Variants in ADARB2 observed in about 807,000 individuals in gnomAD.
ADARB2 encodes adenosine deaminase RNA specific B2 (inactive).
In ADARB2, 25 loss-of-function variants were observed where a neutral mutation model predicts 62.2. The observed-to-expected ratio is 0.40, with a 90% CI of 0.29 to 0.56. The LOEUF is 0.56. Among genes scored for constraint, ADARB2 ranks in the 20% least tolerant of loss-of-function variants. ADARB2 has a pLI of 0.43. For missense variants in ADARB2, 1,071 were observed against 1,077.4 expected, an observed-to-expected ratio of 0.99 and a Z score of 0.08; for synonymous variants, 572 against 500.8, an observed-to-expected ratio of 1.14 and a Z score of -1.90.
At position 1,555,126 on chromosome 10, in the gene ADARB2, G is replaced by A. The variant is rs377464544; in HGVS notation, c.101-175966C>T. Reference sequence around the variant, plus strand: ...CCACATTTTCTTTATCCAGTTCACCGCTCATGGACACCTAGGCTGATTCCA... The same window carrying A: ...CCACATTTTCTTTATCCAGTTCACCACTCATGGACACCTAGGCTGATTCCA... On this transcript the variant is annotated intron_variant, in intron 1 of 9. Coordinates refer to ENST00000381312, the MANE Select transcript of ADARB2 (RefSeq NM_018702.4). Among the ~76,000 whole-genome samples, 148 of 152,226 alleles carry A rather than the reference G, an allele frequency of 9.7e-4. 3 individuals carry two copies. In the South Asian group the frequency reaches 0.029, roughly 30 times the overall value.
intron 1 of ADARB2, among the ~76,000 whole-genome samples, chr10:1,513,128 G>A (rs894306079): frequency 2.6e-5 from 4 of 152,196 alleles, no homozygotes; most frequent in African/African-American, 9.7e-5. Flanking sequence ...TGATTTGTTT[G>A]ACTGTAGTGT....
chr10:1,457,361 C>A (rs1188228656), intron 1 of ADARB2, among the ~76,000 whole-genome samples: 1 of 152,130 alleles, frequency 6.6e-6, no homozygotes, highest in Non-Finnish European at 1.5e-5. Context: ...TGGGACAAGC[C>A]ATCCTCACTT....
intron 1 of ADARB2, among the ~76,000 whole-genome samples, chr10:1,617,795 A>T (rs1055229848): frequency 1.3e-5 from 2 of 152,102 alleles, no homozygotes; most frequent in Non-Finnish European, 2.9e-5. Context: ...TGAGCTCTGC[A>T]TCCTGGGAAC....
chr10:1,193,019 T>C (rs983553001), intron 8 of ADARB2, among the ~76,000 whole-genome samples: 5 of 152,246 alleles, frequency 3.3e-5, no homozygotes, highest in Non-Finnish European at 2.9e-5. Context: ...CCATGGTGGC[T>C]TTTCCTCGCC....
intron 1 of ADARB2, among the ~76,000 whole-genome samples, chr10:1,464,115 C>CTGGAGAAGA (rs1831213272): frequency 6.7e-6 from 1 of 150,050 alleles, no homozygotes; most frequent in African/African-American, 2.5e-5. Context: ...GGGCAGTGTG[C>CTGGAGAAGA]CGGAGAAGAG....
chr10:1,708,123 C>T (rs962829994), intron 1 of ADARB2, among the ~76,000 whole-genome samples: 16 of 152,282 alleles, frequency 1.1e-4, no homozygotes, highest in African/African-American at 2.6e-4. Flanking sequence ...GGCTCTGCTC[C>T]GTGCGGGCTG....
intron 4 of ADARB2, among the ~76,000 whole-genome samples, chr10:1,258,233 G>A (rs1052532476): frequency 1.2e-4 from 18 of 152,058 alleles, no homozygotes; most frequent in African/African-American, 4.4e-4. Context: ...TAGCTTGTTA[G>A]GAAGAAACTG....
intron 1 of ADARB2, among the ~76,000 whole-genome samples, chr10:1,567,905 G>A (rs144849947): frequency 4.5e-4 from 69 of 152,278 alleles, no homozygotes; most frequent in African/African-American, 8.9e-4. Context: ...CTGACTCCTC[G>A]GAGTGCCCTT....
rs2131731435 is a variant in ADARB2, at chr10:1,181,067, G to C, written c.*2126C>G. The stretch of plus-strand genomic sequence containing the variant: ...GACAGTGAAATCTGCTTACAACACA[G>C]GCCCCCTCGCTGCAGAAACAGCGTG... On this transcript the variant is annotated 3_prime_UTR_variant, in exon 10 of 10. Coordinates refer to ENST00000381312, the MANE Select transcript of ADARB2 (RefSeq NM_018702.4). 1 of 152,358 alleles carries C rather than the reference G, an allele frequency of 6.6e-6. No individual in the cohort carries two copies. The highest frequency in any genetic ancestry group is 1.5e-5 in the Non-Finnish European group (1 of 68,046). The allele number at this position is 152,358 out of a possible 1,614,324, so 9.4% of individuals were successfully genotyped here. A position where few individuals can be genotyped will look rare whatever the true frequency, so the allele number is the denominator to read the frequency against.
At chr10:1,513,027 C>T (rs143011784) in intron 1 of ADARB2, among the ~76,000 whole-genome samples, 33 of 152,314 alleles carry the variant, frequency 2.2e-4, no homozygotes, top group African/African-American at 7.5e-4. Flanking sequence ...CAGCTGATGA[C>T]ATTGCATACT....
At chr10:1,573,887 C>G (rs567782949) in intron 1 of ADARB2, among the ~76,000 whole-genome samples, 1 of 152,324 alleles carries the variant, frequency 6.6e-6, no homozygotes, top group South Asian at 2.1e-4. Context: ...CAGTGACACC[C>G]AGTAAGATGG....
At chr10:1,724,247 A>T (rs953289035) in intron 1 of ADARB2, among the ~76,000 whole-genome samples, 1 of 152,176 alleles carries the variant, frequency 6.6e-6, no homozygotes, top group Non-Finnish European at 1.5e-5. Context: ...CTGGCTTTTC[A>T]GCTGCACCCA....
chr10:1,737,280 G>A lies in ADARB2; in HGVS notation c.-130C>T, dbSNP rs983052081. On this transcript the variant is annotated 5_prime_UTR_variant, in exon 1 of 10. Coordinates refer to ENST00000381312, the MANE Select transcript of ADARB2 (RefSeq NM_018702.4). The stretch of plus-strand genomic sequence containing the variant: ...AACCCGGGAGCGGCTCACTTTTCAG[G>A]ACTGAGCAGGAAAGCGCGCTCCGTC... 8.3e-6 allele frequency: 7 copies of A among 845,682 alleles called. No homozygotes were observed. In the Admixed American group the frequency reaches 1.6e-4, roughly 19 times the overall value. 52.4% of individuals were successfully genotyped at this position (845,682 alleles called of 1,614,324 possible).
chr10:1,426,572 T>C lies in ADARB2; in HGVS notation c.101-47412A>G, dbSNP rs1162431127. 6.6e-6 allele frequency among the ~76,000 whole-genome samples: 1 copy of C among 152,166 alleles called. No homozygotes were observed. The highest frequency in any genetic ancestry group is 1.9e-4 in the East Asian group (1 of 5,184). On this transcript the variant is annotated intron_variant, in intron 1 of 9. Transcript: ENST00000381312. This position sits in a 1 kb window ranked among gnomAD's most constrained non-coding sequence, Gnocchi z 4.1. ...CTGCCTCTCTCCCCTGTTGTGGCCTTGGAAGGAAAAGCCTCCAGCTCTGAG... is the reference window on the plus strand; with the variant it reads ...CTGCCTCTCTCCCCTGTTGTGGCCTCGGAAGGAAAAGCCTCCAGCTCTGAG...
chr10:1,656,085 A>C (rs941290644), intron 1 of ADARB2, among the ~76,000 whole-genome samples: 4 of 152,228 alleles, frequency 2.6e-5, no homozygotes, highest in African/African-American at 9.6e-5. Context: ...AGTCTTTATA[A>C]AATTGTAAGC....
chr10:1,666,311 G>A (rs796909877), intron 1 of ADARB2, among the ~76,000 whole-genome samples: 58 of 152,370 alleles, frequency 3.8e-4, no homozygotes, highest in African/African-American at 1.3e-3. Context: ...TGCCCCGCCA[G>A]GGCGAGCATC....
intron 4 of ADARB2, among the ~76,000 whole-genome samples, chr10:1,261,036 AAAAC>A (rs1179825446): frequency 1.4e-5 from 1 of 73,532 alleles, no homozygotes; most frequent in African/African-American, 5.1e-5. Flanking sequence ...AAACCTGAGA[AAAAC>A]AAGCAATGGG....
At chr10:1,390,337 T>C (rs892593403) in intron 1 of ADARB2, among the ~76,000 whole-genome samples, 1 of 152,200 alleles carries the variant, frequency 6.6e-6, no homozygotes, top group Admixed American at 6.5e-5. Context: ...GAAGTGGGCT[T>C]CTGCTGCTGA....
intron 2 of ADARB2, 149 bp downstream of exon 2, chr10:1,378,925 A>G: frequency 1.5e-6 from 1 of 646,638 alleles, no homozygotes; most frequent in Non-Finnish European, 2.8e-6. Context: ...GATTCTGTGG[A>G]GGAATGAGAG....
Sources: allele counts gnomAD v4.1 joint callset (sites outside exome capture counted in the v4.1 genomes callset), GRCh38; gene constraint gnomAD v4.1.1; non-coding constraint Gnocchi (gnomAD v3.1); transcripts MANE v1.5; gene names NCBI Gene and HGNC (gene_info 2026-07-23, HGNC 2026-07-21).